Variants in CNMD observed in about 807,000 individuals in gnomAD.
CNMD encodes chondromodulin.
CNMD carries 30 observed loss-of-function variants against 37.5 expected under a neutral mutation model. The ratio of observed to expected loss-of-function variants is 0.80; its 90% CI spans 0.60 to 1.09. CNMD has a LOEUF of 1.09. CNMD is among the 50% of genes least tolerant of loss of function. The probability of loss-of-function intolerance (pLI) is 0.00; values close to 1 mark genes in which losing one functional copy is unlikely to be tolerated. For synonymous variants in CNMD, 167 were observed against 148.2 expected, an observed-to-expected ratio of 1.13 and a Z score of -0.92; for missense variants, 398 against 423.9, an observed-to-expected ratio of 0.94 and a Z score of 0.54.
In CNMD at chr13:52,712,755, C is replaced by T. The variant is rs985970015; in HGVS notation, c.583G>A (p.Asp195Asn). The T allele has an allele frequency of 3.3e-5, 51 of 1,549,266 alleles. No homozygotes were observed. The highest frequency in any genetic ancestry group is 4.0e-5 in the Non-Finnish European group (46 of 1,147,366). ...GGTTTAAGCCAGAAAATAGGAAGGTCACCGCAGAGTTCTAACACCTTAGAA... is the reference window on the plus strand; with the variant it reads ...GGTTTAAGCCAGAAAATAGGAAGGTTACCGCAGAGTTCTAACACCTTAGAA... ...LSSKVLELCGDLPIFWLKPTY... is the reference protein window; with the variant it reads ...LSSKVLELCGNLPIFWLKPTY... The change falls in exon 5 of 7, where the codon GAC becomes AAC. Residue 195 changes from aspartate to asparagine, a missense_variant. Coordinates refer to ENST00000377962, the MANE Select transcript of CNMD (RefSeq NM_007015.3).
intron 2 of CNMD, among the ~76,000 whole-genome samples, chr13:52,734,021 G>A (rs912903374): frequency 5.3e-5 from 8 of 152,214 alleles, no homozygotes; most frequent in African/African-American, 1.7e-4. Context: ...GCTCAAAATG[G>A]TAGTACTCCC....
At chr13:52,717,628 A>G (rs1322206460) in intron 4 of CNMD, among the ~76,000 whole-genome samples, 1 of 152,198 alleles carries the variant, frequency 6.6e-6, no homozygotes, top group Non-Finnish European at 1.5e-5. Flanking sequence ...GGTTCTGTTT[A>G]GGTAATGGAT....
intron 4 of CNMD, among the ~76,000 whole-genome samples, chr13:52,722,279 GTGT>G (rs1964497518): frequency 6.6e-6 from 1 of 152,114 alleles, no homozygotes; most frequent in African/African-American, 2.4e-5. Context: ...TTTAGCTTTT[GTGT>G]TGTTCTGTTT....
At chr13:52,727,013 C>A (rs777322346) in intron 3 of CNMD, among the ~76,000 whole-genome samples, 29 of 152,140 alleles carry the variant, frequency 1.9e-4, no homozygotes, top group African/African-American at 6.3e-4. Flanking sequence ...CACCTGTAAT[C>A]CCAGCACTTT....
At chr13:52,738,812 C>G (rs1964821245) in intron 2 of CNMD, among the ~76,000 whole-genome samples, 1 of 152,220 alleles carries the variant, frequency 6.6e-6, no homozygotes, top group African/African-American at 2.4e-5. Context: ...CTCCCCTACT[C>G]TACGCTTCAA....
intron 3 of CNMD, 99 bp from the exon 4 acceptor site, chr13:52,724,209 A>G (rs1964532580): frequency 1.2e-6 from 1 of 845,842 alleles, no homozygotes; most frequent in Non-Finnish European, 2.0e-6. Flanking sequence ...GGTGCTAGGG[A>G]TAGGGATGAA....
intron 2 of CNMD, among the ~76,000 whole-genome samples, 188 bp downstream of exon 2, chr13:52,738,843 A>C (rs1964822354): frequency 6.6e-6 from 1 of 152,010 alleles, no homozygotes; most frequent in Non-Finnish European, 1.5e-5. Flanking sequence ...TGAAACCTTC[A>C]CTTGCTTTTC....
At chr13:52,728,356 G>A (rs1269286818) in intron 3 of CNMD, among the ~76,000 whole-genome samples, 1 of 127,574 alleles carries the variant, frequency 7.8e-6, no homozygotes. Context: ...GCAGCCTGGC[G>A]ACAGAGCGAG....
chr13:52,708,485 C>G, intron 6 of CNMD, 51 bp downstream of exon 6: 1 of 1,542,216 alleles, frequency 6.5e-7, no homozygotes, highest in Non-Finnish European at 8.8e-7. Flanking sequence ...CCGGCCTTGG[C>G]ACTATGTTTA....
chr13:52,705,385 T>C (rs1964157321), intron 6 of CNMD, among the ~76,000 whole-genome samples: 1 of 152,220 alleles, frequency 6.6e-6, no homozygotes, highest in Non-Finnish European at 1.5e-5. Flanking sequence ...CATGATCTGA[T>C]ACAACCCATA....
chr13:52,720,860 G>C (rs1269779269), intron 4 of CNMD, among the ~76,000 whole-genome samples: 2 of 152,232 alleles, frequency 1.3e-5, no homozygotes, highest in African/African-American at 2.4e-5. Context: ...TCTCTTCAGA[G>C]CTGGCAGGCA....
In CNMD at chr13:52,708,551, A is replaced by G; in HGVS notation, c.774T>C (p.Pro258=). ...SVQEDSQAFN[P]DNPYHQQEGE... Reference sequence around the variant, plus strand: ...CGGAACGCACATGATAAGGATTATCAGGATTGAAGGCTTGTGAGTCCTCTT... The same window carrying G: ...CGGAACGCACATGATAAGGATTATCGGGATTGAAGGCTTGTGAGTCCTCTT... Residue 258 remains proline (P), a synonymous_variant, in exon 6 of 7, where the codon CCT becomes CCC. Transcript: ENST00000377962. The G allele has an allele frequency of 6.2e-7, 1 of 1,610,436 alleles. No homozygotes were observed. Among genetic ancestry groups the G allele is most frequent in the Non-Finnish European group, 8.5e-7 (1 of 1,179,130 alleles).
intron 2 of CNMD, among the ~76,000 whole-genome samples, chr13:52,734,844 G>C (rs964879761): frequency 6.6e-6 from 1 of 152,046 alleles, no homozygotes. Context: ...TGTTATTGTT[G>C]GATCCATTTC....
chr13:52,712,303 A>G (rs549660379), intron 5 of CNMD, among the ~76,000 whole-genome samples: 5 of 152,340 alleles, frequency 3.3e-5, no homozygotes, highest in East Asian at 3.9e-4. Flanking sequence ...TGGCTGTCCC[A>G]TAATTCTAGG....
chr13:52,736,413 G>A (rs1402413310), intron 2 of CNMD, among the ~76,000 whole-genome samples: 2 of 152,204 alleles, frequency 1.3e-5, no homozygotes, highest in African/African-American at 4.8e-5. Flanking sequence ...ACAGACGTGA[G>A]CCACCACGCC....
chr13:52,725,559 A>T (rs1964558295), intron 3 of CNMD, among the ~76,000 whole-genome samples: 2 of 152,226 alleles, frequency 1.3e-5, no homozygotes, highest in Non-Finnish European at 2.9e-5. Context: ...CTACCCACAG[A>T]GGACATGAGG....
At chr13:52,738,649 A>T (rs1037058961) in intron 2 of CNMD, among the ~76,000 whole-genome samples, 2 of 152,134 alleles carry the variant, frequency 1.3e-5, no homozygotes. Flanking sequence ...AGCCTTTCTT[A>T]GCAGGGACAG....
At chr13:52,721,450 C>A (rs2138248459) in intron 4 of CNMD, among the ~76,000 whole-genome samples, 2 of 152,352 alleles carry the variant, frequency 1.3e-5, no homozygotes, top group Middle Eastern at 6.8e-3. Flanking sequence ...TCCTGGCCTG[C>A]AGGTTGCAAA....
chr13:52,708,973 C>G (rs555026911), intron 5 of CNMD, among the ~76,000 whole-genome samples: 316 of 152,232 alleles, frequency 2.1e-3, no homozygotes, highest in Non-Finnish European at 3.7e-3. Flanking sequence ...CCACCTCCCC[C>G]CTTTCTTTTG....
Sources: gnomAD v4.1 joint callset for allele counts (sites outside exome capture counted in the v4.1 genomes callset) on GRCh38, gnomAD v4.1.1 for gene constraint, MANE v1.5 for transcripts, NCBI Gene and HGNC (gene_info 2026-07-23, HGNC 2026-07-21) for gene names.